Variants in OSBPL8 observed in about 807,000 individuals in gnomAD.
OSBPL8 encodes oxysterol-binding protein-related protein 8.
In OSBPL8, 59 loss-of-function variants were observed where a neutral mutation model predicts 125.5. That is an observed-to-expected ratio of 0.47 (90% CI 0.38 to 0.58). OSBPL8 has a LOEUF of 0.58. OSBPL8 is among the 20% of genes least tolerant of loss of function. The probability of loss-of-function intolerance (pLI) is 0.00; values close to 1 mark genes in which losing one functional copy is unlikely to be tolerated. For synonymous variants in OSBPL8, 330 were observed against 338.9 expected (o/e 0.97, Z 0.29); for missense variants, 758 against 1,047.8 (o/e 0.72, Z 3.82).
At chr12:76,491,554 T>C (rs569606070) in intron 1 of OSBPL8, among the ~76,000 whole-genome samples, 5 of 152,336 alleles carry the variant, frequency 3.3e-5, no homozygotes, top group African/African-American at 1.2e-4. Flanking sequence ...CTACTCTGAC[T>C]TTCAATTTAG....
chr12:76,410,058 A>T (rs1954445773), intron 5 of OSBPL8, among the ~76,000 whole-genome samples: 1 of 152,012 alleles, frequency 6.6e-6, no homozygotes, highest in African/African-American at 2.4e-5. Flanking sequence ...AAGAAAAAAA[A>T]TGCTTAACAG....
chr12:76,426,477 C>A (rs1253038090), intron 4 of OSBPL8, among the ~76,000 whole-genome samples: 1 of 151,942 alleles, frequency 6.6e-6, no homozygotes, highest in African/African-American at 2.4e-5. Context: ...ATGATGGTAA[C>A]ATTACCAGAA....
chr12:76,475,383 T>C (rs537299527), intron 2 of OSBPL8, among the ~76,000 whole-genome samples: 10 of 152,344 alleles, frequency 6.6e-5, no homozygotes, highest in African/African-American at 2.4e-4. Context: ...TCCCAAAGTC[T>C]AGATTAGCAA....
intron 2 of OSBPL8, among the ~76,000 whole-genome samples, chr12:76,464,046 C>G (rs1177231973): frequency 6.6e-6 from 1 of 152,190 alleles, no homozygotes; most frequent in African/African-American, 2.4e-5. Context: ...GCTAGGCGTT[C>G]TTCTTGGTTT....
chr12:76,400,111 C>CAGGT lies in OSBPL8; in HGVS notation c.367-141_367-138dup, dbSNP rs570557818. 1.2e-3 allele frequency: 775 copies of CAGGT among 657,066 alleles called. 4 individuals carry two copies. Among genetic ancestry groups the CAGGT allele is most frequent in the Non-Finnish European group, 1.1e-3 (427 of 396,946 alleles). 40.7% of individuals were successfully genotyped at this position (657,066 alleles called of 1,614,324 possible). On this transcript the variant is annotated intron_variant, in intron 6 of 23. Transcript: ENST00000261183. ...GTTTTGTTGTACATATTTTATCATT[C>CAGGT]AGGTATTAAGCCTAGTACCCATTAG...
chr12:76,508,003 T>A (rs1880584257), intron 1 of OSBPL8, among the ~76,000 whole-genome samples: 1 of 148,600 alleles, frequency 6.7e-6, no homozygotes, highest in Non-Finnish European at 1.5e-5. Context: ...AAACCCTGTC[T>A]CTACTAAAAA....
chr12:76,513,741 T>C (rs1384771305), intron 1 of OSBPL8, among the ~76,000 whole-genome samples: 1 of 141,490 alleles, frequency 7.1e-6, no homozygotes, highest in Non-Finnish European at 1.5e-5. Flanking sequence ...TTCTAACCCC[T>C]GGGTTTTTTT....
chr12:76,535,985 A>C, intron 1 of OSBPL8, among the ~76,000 whole-genome samples: 1 of 152,172 alleles, frequency 6.6e-6, no homozygotes, highest in East Asian at 1.9e-4. Flanking sequence ...CATCTGTCAA[A>C]ATGAATCAAA....
intron 1 of OSBPL8, among the ~76,000 whole-genome samples, chr12:76,539,728 G>A (rs17042343): frequency 0.039 from 5,949 of 152,188 alleles, 415 homozygotes; most frequent in African/African-American, 0.13. Flanking sequence ...ACAGCTCCTG[G>A]TCTCATACCA....
intron 16 of OSBPL8, among the ~76,000 whole-genome samples, chr12:76,375,852 C>T (rs940505662): frequency 1.3e-5 from 2 of 152,058 alleles, no homozygotes; most frequent in Non-Finnish European, 2.9e-5. Flanking sequence ...TGTAGTGTTG[C>T]AGTGCTGTCT....
At chr12:76,369,384 T>G (rs1952536868) in intron 20 of OSBPL8, 83 bp from the exon 21 acceptor site, 3 of 1,479,644 alleles carry the variant, frequency 2.0e-6, no homozygotes, top group Non-Finnish European at 2.7e-6. Context: ...GATCCAATTT[T>G]ATTAATAATT....
intron 5 of OSBPL8, among the ~76,000 whole-genome samples, chr12:76,406,032 A>G (rs906566745): frequency 6.6e-6 from 1 of 152,174 alleles, no homozygotes; most frequent in African/African-American, 2.4e-5. Context: ...TAAAATGAAG[A>G]TACTACTACT....
chr12:76,455,520 T>A (rs544885737), intron 3 of OSBPL8, among the ~76,000 whole-genome samples: 1 of 152,366 alleles, frequency 6.6e-6, no homozygotes, highest in East Asian at 1.9e-4. Context: ...GTTAGCTCTA[T>A]TCACCCTTTC....
intron 5 of OSBPL8, among the ~76,000 whole-genome samples, chr12:76,407,950 A>G (rs1042986158): frequency 1.3e-5 from 2 of 152,084 alleles, no homozygotes; most frequent in African/African-American, 4.8e-5. Flanking sequence ...AATGGGGCCA[A>G]TAATACCTGT....
At chr12:76,389,426 G>A (rs1194349058) in intron 12 of OSBPL8, among the ~76,000 whole-genome samples, 2 of 152,018 alleles carry the variant, frequency 1.3e-5, no homozygotes, top group Admixed American at 1.3e-4. Flanking sequence ...TGTTTTCCTC[G>A]AGCTTATGAT....
intron 1 of OSBPL8, among the ~76,000 whole-genome samples, chr12:76,554,645 A>ACAGTAGTAGTACAG (rs1431594230): frequency 6.6e-6 from 1 of 152,240 alleles, no homozygotes; most frequent in Non-Finnish European, 1.5e-5. Flanking sequence ...TACCTGGTAT[A>ACAGTAGTAGTACAG]TAGCAGTTGA....
chr12:76,472,459 A>C (rs1876261457), intron 2 of OSBPL8, among the ~76,000 whole-genome samples: 1 of 152,204 alleles, frequency 6.6e-6, no homozygotes, highest in Non-Finnish European at 1.5e-5. Context: ...CAAAGAGATA[A>C]GAGAAAAGAC....
intron 6 of OSBPL8, among the ~76,000 whole-genome samples, chr12:76,400,891 C>T (rs574284983): frequency 6.6e-6 from 1 of 151,438 alleles, no homozygotes; most frequent in East Asian, 2.0e-4. Flanking sequence ...TGGGTCAACG[C>T]AATTCTTGTG....
At chr12:76,544,616 C>T (rs917455150) in intron 1 of OSBPL8, among the ~76,000 whole-genome samples, 2 of 152,014 alleles carry the variant, frequency 1.3e-5, no homozygotes, top group Non-Finnish European at 2.9e-5. Context: ...TCCTGAATGA[C>T]GCATGCTATA....
Sources: allele counts gnomAD v4.1 joint callset (sites outside exome capture counted in the v4.1 genomes callset), GRCh38; gene constraint gnomAD v4.1.1; transcripts MANE v1.5; gene names NCBI Gene and HGNC (gene_info 2026-07-23, HGNC 2026-07-21).